IPPK: variants seen among roughly 807,000 people sequenced by gnomAD.
IPPK encodes the protein inositol-pentakisphosphate 2-kinase, also known as IPK1 homolog.
In IPPK, 22 loss-of-function variants were observed where a neutral mutation model predicts 64.6. That is an observed-to-expected ratio of 0.34 (90% CI 0.24 to 0.49). The LOEUF (loss-of-function observed/expected upper bound fraction) is 0.49. Among genes scored for constraint, IPPK ranks in the 20% least tolerant of loss-of-function variants. The probability of loss-of-function intolerance (pLI) is 0.99; values close to 1 mark genes in which losing one functional copy is unlikely to be tolerated. For missense variants in IPPK, 532 were observed against 630.7 expected (o/e 0.84, Z 1.68); for synonymous variants, 262 against 247.2 (o/e 1.06, Z -0.56).
chr9:92,618,668 C>A (rs1288883821), intron 12 of IPPK: 1 of 421,254 alleles, frequency 2.4e-6, no homozygotes, highest in Non-Finnish European at 4.8e-6. Context: ...CTAAATAGAA[C>A]AACCTTTTTT....
intron 6 of IPPK, among the ~76,000 whole-genome samples, chr9:92,643,514 G>A (rs1224810578): frequency 6.6e-6 from 1 of 151,608 alleles, no homozygotes; most frequent in Non-Finnish European, 1.5e-5. Context: ...AAGAGGTAGA[G>A]TTAAAAGTCA....
chr9:92,642,711 G>A (rs768271266), intron 7 of IPPK, 41 bp downstream of exon 7: 1 of 1,578,690 alleles, frequency 6.3e-7, no homozygotes, highest in East Asian at 2.2e-5. Context: ...CCATCTCCAG[G>A]GAACCTGACA....
chr9:92,658,078 C>T (rs1188149286), intron 2 of IPPK, among the ~76,000 whole-genome samples: 13 of 152,202 alleles, frequency 8.5e-5, no homozygotes, highest in Admixed American at 8.5e-4. Flanking sequence ...GCCTCCGCGA[C>T]TCGGTATGCA....
At chr9:92,656,640 C>T in intron 2 of IPPK, 89 bp from the exon 3 acceptor site, 1 of 811,628 alleles carries the variant, frequency 1.2e-6, no homozygotes, top group Non-Finnish European at 2.1e-6. Flanking sequence ...ACCACGGACC[C>T]CACCACAAGC....
At chr9:92,645,375 G>A (rs1355843275) in intron 6 of IPPK, among the ~76,000 whole-genome samples, 1 of 152,024 alleles carries the variant, frequency 6.6e-6, no homozygotes, top group Non-Finnish European at 1.5e-5. Context: ...CTGGGTGACA[G>A]AGCAAGACCC....
intron 1 of IPPK, among the ~76,000 whole-genome samples, chr9:92,669,613 A>C (rs944713996): frequency 6.6e-6 from 1 of 151,900 alleles, no homozygotes; most frequent in South Asian, 2.1e-4. Flanking sequence ...GGGGAGGGGG[A>C]TGTGGAACTG....
intron 2 of IPPK, 105 bp from the exon 3 acceptor site, chr9:92,656,656 G>A: frequency 1.4e-6 from 1 of 728,886 alleles, no homozygotes; most frequent in Non-Finnish European, 2.5e-6. Flanking sequence ...CAAGCAAGGG[G>A]GACATCCCAG....
intron 7 of IPPK, 130 bp from the exon 8 acceptor site, chr9:92,640,912 T>C: frequency 4.2e-6 from 3 of 711,856 alleles, no homozygotes; most frequent in Non-Finnish European, 7.6e-6. Flanking sequence ...AGAGTCCAAC[T>C]AGGTCCAAAC....
At chr9:92,660,738 T>A (rs1414448532) in intron 1 of IPPK, among the ~76,000 whole-genome samples, 1 of 152,268 alleles carries the variant, frequency 6.6e-6, no homozygotes, top group Non-Finnish European at 1.5e-5. Context: ...TGAAGTTCCC[T>A]GCCCCTCTGT....
At chr9:92,657,345 T>C (rs1442928865) in intron 2 of IPPK, among the ~76,000 whole-genome samples, 3 of 148,570 alleles carry the variant, frequency 2.0e-5, no homozygotes, top group Non-Finnish European at 4.5e-5. Flanking sequence ...CGAGACTCTG[T>C]CTCAAAAAAA....
intron 4 of IPPK, among the ~76,000 whole-genome samples, chr9:92,651,423 G>A (rs1271175725): frequency 6.6e-6 from 1 of 152,218 alleles, no homozygotes; most frequent in East Asian, 1.9e-4. Context: ...GAGGCGAAGG[G>A]ATGGGAGGGG....
At chr9:92,642,898 G>A (rs1852080439) in intron 6 of IPPK, 88 bp from the exon 7 acceptor site, 1 of 1,014,826 alleles carries the variant, frequency 9.9e-7, no homozygotes, top group Non-Finnish European at 1.6e-6. Context: ...CATCAGTGAT[G>A]AAGACAATGA....
chr9:92,614,460 C>A lies in IPPK; in HGVS notation c.*1372G>T, dbSNP rs546896729. The A allele has an allele frequency of 3.9e-5, 6 of 152,626 alleles. No homozygotes were observed. Among genetic ancestry groups the A allele is most frequent in the Non-Finnish European group, 7.3e-5 (5 of 68,044 alleles). The allele number at this position is 152,626 out of a possible 1,614,324, so 9.5% of individuals were successfully genotyped here. A position where few individuals can be genotyped will look rare whatever the true frequency, so the allele number is the denominator to read the frequency against. On this transcript the variant is annotated 3_prime_UTR_variant, in exon 13 of 13. Transcript: ENST00000287996. Reference sequence around the variant, plus strand: ...GGTGTCATTGGAAGTGAGAAGAAAACAGTAAAAGTGTCCAGTTAGATAAGT... The same window carrying A: ...GGTGTCATTGGAAGTGAGAAGAAAAAAGTAAAAGTGTCCAGTTAGATAAGT...
intron 11 of IPPK, among the ~76,000 whole-genome samples, chr9:92,620,912 G>A (rs988285008): frequency 5.3e-5 from 8 of 152,180 alleles, no homozygotes; most frequent in Non-Finnish European, 1.0e-4. Context: ...CTGCTATCAC[G>A]AAATGCCCAA....
In IPPK at chr9:92,614,683, TTA is replaced by T. The variant is rs1037515057; in HGVS notation, c.*1147_*1148del. On this transcript the variant is annotated 3_prime_UTR_variant, in exon 13 of 13. Coordinates refer to ENST00000287996, the MANE Select transcript of IPPK (RefSeq NM_022755.6). ...ATATAATTCCATGGTTTCACTAATA[TTA>T]TATGTTACAATAAGCCTCCATTAGT... 2.0e-5 allele frequency: 3 copies of T among 152,536 alleles called. No homozygotes were observed. Among genetic ancestry groups the T allele is most frequent in the South Asian group, 2.1e-4 (1 of 4,836 alleles). 9.4% of individuals were successfully genotyped at this position (152,536 alleles called of 1,614,324 possible). A position where few individuals can be genotyped will look rare whatever the true frequency, so the allele number is the denominator to read the frequency against.
At position 92,640,739 on chromosome 9, in the gene IPPK, C is replaced by CCTG; in HGVS notation, c.604_606dup (p.Gln202dup). On this transcript the variant is annotated inframe_insertion, in exon 8 of 13. Transcript: ENST00000287996. Reference sequence around the variant, plus strand: ...AATATCTTCAAGTTGTTCTGTGCCTCCTGCAGCAAACTCTTCAAGGCAAAG... The same window carrying CCTG: ...AATATCTTCAAGTTGTTCTGTGCCTCCTGCTGCAGCAAACTCTTCAAGGCAAAG... 2 of 1,613,156 alleles carry CCTG rather than the reference C, an allele frequency of 1.2e-6. No individual in the cohort carries two copies. Among genetic ancestry groups the CCTG allele is most frequent in the Non-Finnish European group, 1.7e-6 (2 of 1,179,122 alleles).
At chr9:92,648,782 G>A (rs958882746) in intron 5 of IPPK, among the ~76,000 whole-genome samples, 2 of 152,170 alleles carry the variant, frequency 1.3e-5, no homozygotes, top group African/African-American at 4.8e-5. Flanking sequence ...CAAAGGCCAG[G>A]GCATGTGAGG....
intron 11 of IPPK, among the ~76,000 whole-genome samples, chr9:92,631,550 ACTC>A (rs1408287522): frequency 6.6e-6 from 1 of 151,998 alleles, no homozygotes; most frequent in Non-Finnish European, 1.5e-5. Flanking sequence ...TCCTCAGCCT[ACTC>A]CTCAGCTTCA....
At chr9:92,647,285 C>T (rs962975845) in intron 6 of IPPK, among the ~76,000 whole-genome samples, 1 of 152,126 alleles carries the variant, frequency 6.6e-6, no homozygotes, top group African/African-American at 2.4e-5. Context: ...AATCTTCTAA[C>T]AAAGAAAATC....
Sources: allele counts gnomAD v4.1 joint callset (sites outside exome capture counted in the v4.1 genomes callset), GRCh38; gene constraint gnomAD v4.1.1; transcripts MANE v1.5; gene names NCBI Gene and HGNC (gene_info 2026-07-23, HGNC 2026-07-21).